TDRD1: variants seen among roughly 807,000 people sequenced by gnomAD.
TDRD1 encodes the protein tudor domain containing 1.
Under a neutral mutation model 140.6 loss-of-function variants are expected in TDRD1, and 37 were observed. The observed-to-expected ratio is 0.26, with a 90% CI of 0.20 to 0.35. The LOEUF (loss-of-function observed/expected upper bound fraction) is 0.35. TDRD1 is among the 10% of genes least tolerant of loss of function. TDRD1 has a pLI of 1.00. For synonymous variants in TDRD1, 506 were observed against 475.7 expected (o/e 1.06, Z -0.83); for missense variants, 1,243 against 1,393.0 (o/e 0.89, Z 1.71).
At chr10:114,229,515 G>A (rs906256360) in intron 25 of TDRD1, among the ~76,000 whole-genome samples, 2 of 143,940 alleles carry the variant, frequency 1.4e-5, no homozygotes, top group African/African-American at 2.5e-5. Flanking sequence ...AATACTGACT[G>A]TTTTGTATGT....
chr10:114,227,910 A>G, exon 24 of TDRD1: 1 of 1,613,120 alleles, frequency 6.2e-7, no homozygotes. Flanking sequence ...GTGCTTTTAG[A>G]AAAGATGTAT....
At chr10:114,187,234 G>A (rs2033608224) in intron 1 of TDRD1, among the ~76,000 whole-genome samples, 1 of 152,158 alleles carries the variant, frequency 6.6e-6, no homozygotes, top group Admixed American at 6.5e-5. Flanking sequence ...ACAATTTGTG[G>A]AAGTTCAGCT....
chr10:114,222,348 G>GATCC (rs1374135011), intron 20 of TDRD1, among the ~76,000 whole-genome samples: 5 of 152,134 alleles, frequency 3.3e-5, no homozygotes, highest in African/African-American at 9.7e-5. Context: ...TCAAGTAGTT[G>GATCC]ATCCACCGGA....
chr10:114,221,712 C>T (rs181648882), intron 20 of TDRD1, among the ~76,000 whole-genome samples: 1 of 152,190 alleles, frequency 6.6e-6, no homozygotes, highest in East Asian at 1.9e-4. Flanking sequence ...CTTTTTATAA[C>T]AGAAGTGTCC....
At chr10:114,210,158 T>A (rs2035390357) in intron 11 of TDRD1, among the ~76,000 whole-genome samples, 1 of 152,238 alleles carries the variant, frequency 6.6e-6, no homozygotes, top group Non-Finnish European at 1.5e-5. Flanking sequence ...TCTAATTATT[T>A]TATCCTAATA....
chr10:114,218,499 C>A (rs748563814), exon 18 of TDRD1: 22 of 1,611,590 alleles, frequency 1.4e-5, no homozygotes, highest in Non-Finnish European at 1.8e-5. Flanking sequence ...ATGGAAACAT[C>A]GAAGAAGTTA....
intron 20 of TDRD1, 110 bp downstream of exon 20, chr10:114,221,586 T>C: frequency 9.2e-7 from 1 of 1,091,826 alleles, no homozygotes; most frequent in South Asian, 1.5e-5. Context: ...GCTCACTGTT[T>C]TAAGGAAGAA....
At position 114,230,297 on chromosome 10, in the gene TDRD1, AAACTT is replaced by A. The variant is rs560434627; in HGVS notation, c.3539-1188_3539-1184del. ...ACAGGGCTTAGTAGCTTTCAAAAGA[AAACTT>A]GATTTAAAGCATAGTAGTTGAACTG... On this transcript the variant is annotated intron_variant, in intron 25 of 25. Coordinates refer to ENST00000251864, the Ensembl canonical transcript of TDRD1. 2.3e-3 allele frequency among the ~76,000 whole-genome samples: 350 copies of A among 152,382 alleles called. 1 individual carries two copies. Among genetic ancestry groups the A allele is most frequent in the African/African-American group, 7.9e-3 (330 of 41,584 alleles).
At chr10:114,225,053 G>A (rs2036355792) in intron 21 of TDRD1, among the ~76,000 whole-genome samples, 1 of 152,146 alleles carries the variant, frequency 6.6e-6, no homozygotes, top group Non-Finnish European at 1.5e-5. Flanking sequence ...TGGACTGGTG[G>A]CCTCCTGCCT....
chr10:114,231,491 G>A, exon 26 of TDRD1: 6 of 1,601,420 alleles, frequency 3.7e-6, no homozygotes, highest in Non-Finnish European at 5.1e-6. Context: ...TTCAGAAACA[G>A]CATCTCTTGG....
At chr10:114,183,795 G>T (rs1431145344) in intron 1 of TDRD1, among the ~76,000 whole-genome samples, 1 of 149,884 alleles carries the variant, frequency 6.7e-6, no homozygotes, top group Non-Finnish European at 1.5e-5. Context: ...CTGCCTCCCA[G>T]ATTCTAGGCG....
At chr10:114,231,654 A>G (rs766314808) in exon 26 of TDRD1, 2 of 611,064 alleles carry the variant, frequency 3.3e-6, no homozygotes, top group Non-Finnish European at 5.5e-6. Flanking sequence ...CCATTCTCCT[A>G]TTAGGTTGGT....
chr10:114,225,051 T>C (rs559436209), intron 21 of TDRD1, among the ~76,000 whole-genome samples: 26 of 152,322 alleles, frequency 1.7e-4, no homozygotes, highest in African/African-American at 6.0e-4. Flanking sequence ...CATGGACTGG[T>C]GGCCTCCTGC....
intron 11 of TDRD1, among the ~76,000 whole-genome samples, 194 bp downstream of exon 11, chr10:114,206,524 C>T (rs920294310): frequency 3.3e-5 from 5 of 151,862 alleles, no homozygotes; most frequent in African/African-American, 1.2e-4. Context: ...TTCTCCTCCT[C>T]TGTCCATTTT....
chr10:114,204,037 G>A, intron 8 of TDRD1, 36 bp from the exon 9 acceptor site: 1 of 1,578,284 alleles, frequency 6.3e-7, no homozygotes, highest in South Asian at 1.2e-5. Flanking sequence ...GTGAAATGCT[G>A]TTATGAAGCA....
At chr10:114,221,602 C>G (rs1181164959) in intron 20 of TDRD1, 126 bp downstream of exon 20, 11 of 935,700 alleles carry the variant, frequency 1.2e-5, no homozygotes, top group East Asian at 2.6e-5. Flanking sequence ...AAGAACTGAT[C>G]ATAACACTTA....
chr10:114,217,533 G>A lies in TDRD1; in HGVS notation c.2213-12G>A, dbSNP rs1234315426. 3 of 1,371,662 alleles carry A rather than the reference G, an allele frequency of 2.2e-6. No individual in the cohort carries two copies. The highest frequency in any genetic ancestry group is 1.3e-5 in the South Asian group (1 of 78,256). 85.0% of individuals were successfully genotyped at this position (1,371,662 alleles called of 1,614,324 possible). A position where few individuals can be genotyped will look rare whatever the true frequency, so the allele number is the denominator to read the frequency against. ...TATGTTCTTAATTTTTTAATCCTAT[G>A]TGTATTTTCAGCTTTAAAGAAACTC... On this transcript the variant is annotated splice_polypyrimidine_tract_variant and intron_variant, in intron 16 of 25. Transcript: ENST00000251864.
chr10:114,220,813 G>A lies in TDRD1; in HGVS notation c.2740G>A (p.Glu914Lys), dbSNP rs1589710091. 3 of 1,612,186 alleles carry A rather than the reference G, an allele frequency of 1.9e-6. No homozygotes were observed. In the African/African-American group the frequency reaches 4.0e-5, roughly 22 times the overall value. ...AAATGACAGACTTGTTAATAAACAT[G>A]AGCTTCAAGTTCATGTACAGGGACT... is the stretch of plus-strand genomic sequence containing the variant. Residue 914 changes from glutamate to lysine, a missense_variant, in exon 19 of 26, where the codon GAG (glutamate) becomes AAG (lysine). Physicochemically the swap from Glu to Lys is moderately conservative, Grantham distance 56 (BLOSUM62 1). Transcript: ENST00000251864.
exon 9 of TDRD1, chr10:114,204,081 C>T (rs369437881): frequency 1.1e-5 from 17 of 1,603,712 alleles, no homozygotes; most frequent in African/African-American, 8.1e-5. Flanking sequence ...AGACCTGGAA[C>T]AGAGCAATCA....
Sources: allele counts gnomAD v4.1 joint callset (sites outside exome capture counted in the v4.1 genomes callset), GRCh38; gene constraint gnomAD v4.1.1; transcripts MANE v1.5; gene names NCBI Gene and HGNC (gene_info 2026-07-23, HGNC 2026-07-21).